ABL1: variants seen among roughly 807,000 people sequenced by gnomAD.
ABL1 encodes the protein ABL proto-oncogene 1, non-receptor tyrosine kinase.
A neutral mutation model predicts 94.7 loss-of-function variants in ABL1; 11 were observed. That is an observed-to-expected ratio of 0.12 (90% CI 0.07 to 0.19). The LOEUF (loss-of-function observed/expected upper bound fraction) is 0.19. Among genes scored for constraint, ABL1 ranks in the 10% least tolerant of loss-of-function variants. ABL1 has a pLI of 1.00. For synonymous variants in ABL1, 656 were observed against 622.4 expected, an observed-to-expected ratio of 1.05 and a Z score of -0.80; for missense variants, 1,082 against 1,489.4, an observed-to-expected ratio of 0.73 and a Z score of 4.50.
intron 1 of ABL1, among the ~76,000 whole-genome samples, chr9:130,808,249 T>TCTTCTTCTTC (rs199526867): frequency 1.4e-5 from 2 of 141,456 alleles, no homozygotes; most frequent in Non-Finnish European, 1.6e-5. Context: ...TTCTTCTTCT[T>TCTTCTTCTTC]TTTTTTTTTT....
chr9:130,746,916 G>T (rs1831895352), intron 1 of ABL1, among the ~76,000 whole-genome samples: 1 of 152,120 alleles, frequency 6.6e-6, no homozygotes, highest in South Asian at 2.1e-4. Context: ...GCCAAAATCA[G>T]GGGGACAGCA....
rs1251077295 is a variant in ABL1, at chr9:130,884,906, G to T, written c.2616G>T (p.Glu872Asp). The change falls in exon 11 of 11, where the codon GAG (glutamate) becomes GAT (aspartate). Residue 872 changes from glutamate to aspartate, a missense_variant. Coordinates refer to ENST00000318560, the MANE Select transcript of ABL1 (RefSeq NM_005157.6). This position sits in a 1 kb window ranked among gnomAD's most constrained non-coding sequence, Gnocchi z 5.6. ...GCACCAGCAAGGGCCCCGCCGAGGA[G>T]TCCAGAGTGAGGAGGCACAAGCACT... ...PGGTSKGPAE[E>D]SRVRRHKHSS... 6.2e-7 allele frequency: 1 copy of T among 1,611,184 alleles called. No homozygotes were observed. The highest frequency in any genetic ancestry group is 8.5e-7 in the Non-Finnish European group (1 of 1,179,454).
chr9:130,787,230 C>A (rs1192739045), intron 1 of ABL1, among the ~76,000 whole-genome samples: 1 of 152,162 alleles, frequency 6.6e-6, no homozygotes, highest in Admixed American at 6.5e-5. Context: ...TGGGGACTTT[C>A]TTGGTTCTCT....
At chr9:130,756,185 C>T (rs184808413) in intron 1 of ABL1, among the ~76,000 whole-genome samples, 3 of 152,254 alleles carry the variant, frequency 2.0e-5, no homozygotes, top group African/African-American at 7.2e-5. Context: ...TTTAGAAAGG[C>T]AGTTGACTTT....
intron 1 of ABL1, among the ~76,000 whole-genome samples, chr9:130,802,877 A>G (rs182604372): frequency 2.6e-5 from 4 of 152,200 alleles, no homozygotes; most frequent in Admixed American, 1.3e-4. Context: ...CTGGGTTTGA[A>G]CACAAATGTG....
chr9:130,743,358 C>CCACCACG (rs1831843976), intron 1 of ABL1, among the ~76,000 whole-genome samples: 1 of 152,212 alleles, frequency 6.6e-6, no homozygotes, highest in South Asian at 2.1e-4. Context: ...CAGGTGTGAG[C>CCACCACG]CACCACGCCC....
At chr9:130,833,005 G>A (rs1830510657), upstream of ABL1, among the ~76,000 whole-genome samples, 1 of 152,200 alleles carries the variant, frequency 6.6e-6, no homozygotes, top group South Asian at 2.1e-4. Context: ...AAAGATTTGG[G>A]TACAGTTTAT....
chr9:130,884,318 CG>C lies in ABL1; in HGVS notation c.2033del (p.Gly678AlafsTer16). 6.2e-7 allele frequency: 1 copy of C among 1,611,614 alleles called. No homozygotes were observed. Among genetic ancestry groups the C allele is most frequent in the Non-Finnish European group, 8.5e-7 (1 of 1,179,274 alleles). ...GVPNGALRES[G>X]GSGFRSPHLW... ...TCCCCAATGGAGCCCTCCGGGAGTC[CG>C]GGGGCTCAGGCTTCCGGTCTCCCCA... On this transcript the variant is annotated frameshift_variant, in exon 11 of 11. Transcript: ENST00000318560. LOFTEE classifies it high-confidence loss of function. The surrounding 1 kb of genome is among the most constrained non-coding windows in gnomAD (Gnocchi z 5.6).
chr9:130,873,671 C>T (rs2132999734), intron 6 of ABL1, among the ~76,000 whole-genome samples: 1 of 152,302 alleles, frequency 6.6e-6, no homozygotes, highest in East Asian at 1.9e-4. Context: ...TTCAAATGTG[C>T]CACAATTATC....
In ABL1 at chr9:130,847,112, G is replaced by A. The variant is rs78294792; in HGVS notation, c.80-6952G>A. Among the ~76,000 whole-genome samples, 703 of 152,114 alleles carry A rather than the reference G, an allele frequency of 4.6e-3. 4 individuals are homozygous for A. Among genetic ancestry groups the A allele is most frequent in the Middle Eastern group, 0.01 (3 of 294 alleles). ...CTAGCTAATTAGTGATTTTTTCTGA[G>A]TTTAGTTGGTGAGTGGAAACCTTTT... On this transcript the variant is annotated intron_variant, in intron 1 of 10. Coordinates refer to ENST00000318560, the MANE Select transcript of ABL1 (RefSeq NM_005157.6).
intron 1 of ABL1, among the ~76,000 whole-genome samples, chr9:130,783,687 G>A (rs1425970443): frequency 6.6e-6 from 1 of 151,826 alleles, no homozygotes; most frequent in South Asian, 2.1e-4. Context: ...ACAGAGTCTC[G>A]CTCTGTCGCC....
Position 130,878,426 on chromosome 9 carries a change from T to C in ABL1, c.1282T>C (p.Leu428=). ...IKSDVWAFGV[L]LWEIATYGMS... ...CGGTTTTCTTTCAGCATTTGGAGTA[T>C]TGCTTTGGGAAATTGCTACCTATGG... is the stretch of plus-strand genomic sequence containing the variant. Residue 428 remains leucine (L), a synonymous_variant, in exon 8 of 11, where the codon TTG becomes CTG. Transcript: ENST00000318560. 6.2e-7 allele frequency: 1 copy of C among 1,614,180 alleles called. No homozygotes were observed. Among genetic ancestry groups the C allele is most frequent in the Non-Finnish European group, 8.5e-7 (1 of 1,179,996 alleles).
At chr9:130,800,176 A>C (rs1830036841) in intron 1 of ABL1, among the ~76,000 whole-genome samples, 1 of 152,096 alleles carries the variant, frequency 6.6e-6, no homozygotes. Context: ...CCAACTATAA[A>C]ATGTATTTTT....
intron 4 of ABL1, among the ~76,000 whole-genome samples, chr9:130,867,004 AT>A (rs1831168268): frequency 6.6e-6 from 1 of 152,194 alleles, no homozygotes; most frequent in Non-Finnish European, 1.5e-5. Context: ...AATGAACTGT[AT>A]TCAGAGTTTG....
At chr9:130,844,362 G>A (rs905735575) in intron 1 of ABL1, among the ~76,000 whole-genome samples, 1 of 152,224 alleles carries the variant, frequency 6.6e-6, no homozygotes, top group African/African-American at 2.4e-5. Context: ...CCTCAGTCCT[G>A]ATATGGGCGT....
At chr9:130,796,946 C>CT (rs1459480149) in intron 1 of ABL1, among the ~76,000 whole-genome samples, 1,697 of 126,522 alleles carry the variant, frequency 0.013, 29 homozygotes, top group African/African-American at 0.054. Flanking sequence ...AAAAAAGGCA[C>CT]TTTTTTTTTG....
At chr9:130,845,859 T>TA (rs11393708) in intron 1 of ABL1, among the ~76,000 whole-genome samples, 25,495 of 146,602 alleles carry the variant, frequency 0.17, 2,203 homozygotes, top group African/African-American at 0.2. Flanking sequence ...AAACTCTATC[T>TA]AAAAAAAAAA....
chr9:130,836,106 C>T (rs1257820784), intron 1 of ABL1, among the ~76,000 whole-genome samples: 2 of 152,236 alleles, frequency 1.3e-5, no homozygotes, highest in Non-Finnish European at 2.9e-5. Context: ...ATCTCCCCCA[C>T]CCCCATCTTA....
chr9:130,865,475 G>A (rs1344277063), intron 4 of ABL1, among the ~76,000 whole-genome samples: 2 of 152,174 alleles, frequency 1.3e-5, no homozygotes, highest in African/African-American at 2.4e-5. Context: ...TGCCAGGCAC[G>A]GTGGCTTACG....
Sources: allele counts gnomAD v4.1 joint callset (sites outside exome capture counted in the v4.1 genomes callset), GRCh38; gene constraint gnomAD v4.1.1; non-coding constraint Gnocchi (gnomAD v3.1); transcripts MANE v1.5; gene names NCBI Gene and HGNC (gene_info 2026-07-23, HGNC 2026-07-21).